Variants in HSH2D observed in about 807,000 individuals in gnomAD.
The protein encoded by HSH2D is hematopoietic SH2 domain-containing protein.
Under a neutral mutation model 21.5 loss-of-function variants are expected in HSH2D, and 16 were observed. The ratio of observed to expected loss-of-function variants is 0.74; its 90% CI spans 0.50 to 1.13. The LOEUF is 1.13. Ranked by LOEUF, HSH2D falls within the 50% of genes most tolerant of loss-of-function variation. The pLI is 0.00. For missense variants in HSH2D, 418 were observed against 441.4 expected, an observed-to-expected ratio of 0.95 and a Z score of 0.47; for synonymous variants, 172 against 184.7, an observed-to-expected ratio of 0.93 and a Z score of 0.56.
At chr19:16,147,420 G>T (rs2091086496) in intron 1 of HSH2D, among the ~76,000 whole-genome samples, 1 of 150,352 alleles carries the variant, frequency 6.7e-6, no homozygotes. Context: ...GAAGGTCGAG[G>T]CTGCAGTGAG....
upstream of HSH2D, among the ~76,000 whole-genome samples, chr19:16,141,290 G>C (rs1202929529): frequency 2.0e-5 from 3 of 152,242 alleles, no homozygotes; most frequent in East Asian, 5.8e-4. Context: ...GGAGCAGGGG[G>C]GTGAGAGAGG....
upstream of HSH2D, among the ~76,000 whole-genome samples, chr19:16,140,685 C>T (rs1320898328): frequency 6.6e-6 from 1 of 151,788 alleles, no homozygotes; most frequent in Non-Finnish European, 1.5e-5. Context: ...ATCACTTGAA[C>T]GAGACCAACC....
rs761208177 is a variant in HSH2D, at chr19:16,157,502, G to A, written c.767G>A (p.Gly256Glu). 11 of 1,613,900 alleles carry A rather than the reference G, an allele frequency of 6.8e-6. No homozygotes were observed. In the East Asian group the frequency reaches 2.2e-4, roughly 33 times the overall value. ...GTGKGSQDHS[G>E]DPTSGDRGYT... ...GGAAAAGGCAGCCAAGATCACTCAG[G>A]GGATCCCACCTCGGGGGACAGAGGC... The change falls in exon 6 of 6, where the codon GGG becomes GAG. Residue 256 changes from glycine to glutamate, a missense_variant. Coordinates refer to ENST00000613986, the MANE Select transcript of HSH2D (RefSeq NM_001382417.1). This position sits in a 1 kb window ranked among gnomAD's most constrained non-coding sequence, Gnocchi z 4.4.
chr19:16,150,220 G>C (rs982133917), intron 2 of HSH2D, among the ~76,000 whole-genome samples: 14 of 151,678 alleles, frequency 9.2e-5, no homozygotes, highest in South Asian at 4.2e-4. Flanking sequence ...GGCTGGCCTG[G>C]ACAACATAGT....
upstream of HSH2D, among the ~76,000 whole-genome samples, chr19:16,143,257 G>A (rs577883749): frequency 1.3e-3 from 197 of 151,728 alleles, no homozygotes; most frequent in African/African-American, 4.4e-3. Flanking sequence ...GCTGATTTTC[G>A]TATTTTAATA....
chr19:16,140,104 G>A (rs10406557), upstream of HSH2D, among the ~76,000 whole-genome samples: 20,090 of 151,980 alleles, frequency 0.13, 1,529 homozygotes, highest in African/African-American at 0.2. Flanking sequence ...GCAAATAAGA[G>A]CCCCGATGGT....
At chr19:16,156,261 G>C (rs2091235484) in intron 5 of HSH2D, among the ~76,000 whole-genome samples, 1 of 151,924 alleles carries the variant, frequency 6.6e-6, no homozygotes. Context: ...GAGGTGGGAG[G>C]ATTGCTTGAG....
chr19:16,156,426 C>T (rs1452843743), intron 5 of HSH2D, among the ~76,000 whole-genome samples: 1 of 152,076 alleles, frequency 6.6e-6, no homozygotes, highest in Non-Finnish European at 1.5e-5. Context: ...TCAAAAAATC[C>T]TCCTGCCTCA....
At chr19:16,144,071 G>A (rs1335568402) in intron 1 of HSH2D, among the ~76,000 whole-genome samples, 4 of 152,042 alleles carry the variant, frequency 2.6e-5, no homozygotes, top group Non-Finnish European at 4.4e-5. Flanking sequence ...AGTAGAGGAG[G>A]CTCCCAGGCC....
At chr19:16,140,016 GT>G (rs1455311786), upstream of HSH2D, 1 of 152,258 alleles carries the variant, frequency 6.6e-6, no homozygotes, top group Non-Finnish European at 1.5e-5. Flanking sequence ...AGGTTGGGCC[GT>G]TTGTGGTGAG....
chr19:16,135,040 G>A (rs1195415709), intron 1 of HSH2D, among the ~76,000 whole-genome samples: 2 of 149,584 alleles, frequency 1.3e-5, no homozygotes, highest in Admixed American at 1.4e-4. Context: ...AGGCCGAGGT[G>A]GGTGGTTCAC....
intron 1 of HSH2D, 87 bp downstream of exon 1, chr19:16,143,861 TG>T: frequency 3.5e-6 from 1 of 283,824 alleles, no homozygotes; most frequent in South Asian, 2.3e-5. Flanking sequence ...TAGTGGGGCC[TG>T]GGGTGGCAGG....
At chr19:16,153,935 G>A (rs1198281867) in intron 4 of HSH2D, among the ~76,000 whole-genome samples, 2 of 151,528 alleles carry the variant, frequency 1.3e-5, no homozygotes, top group South Asian at 4.2e-4. Context: ...AACTGCTGTG[G>A]GCAGGGCATC....
At chr19:16,143,865 G>C (rs553675219) in intron 1 of HSH2D, 91 bp downstream of exon 1, 34 of 290,998 alleles carry the variant, frequency 1.2e-4, no homozygotes, top group African/African-American at 7.7e-4. Flanking sequence ...GGGGCCTGGG[G>C]TGGCAGGAGG....
Position 16,152,570 on chromosome 19 carries a change from G to A in HSH2D, c.144G>A (p.Leu48=). Residue 48 remains leucine (L), a synonymous_variant, in exon 3 of 6, where the codon CTG becomes CTA. Coordinates refer to ENST00000613986, the MANE Select transcript of HSH2D (RefSeq NM_001382417.1). ...CTTCCAGGGATGCTGAGAACTTGCTGGAGTCACAGCCACTGGGATCCTTTC... is the reference window on the plus strand; with the variant it reads ...CTTCCAGGGATGCTGAGAACTTGCTAGAGTCACAGCCACTGGGATCCTTTC... ...AISREDAENL[L]ESQPLGSFLI... is the part of the protein sequence containing the mutation. 1 of 1,503,456 alleles carries A rather than the reference G, an allele frequency of 6.7e-7. No homozygotes were observed. Among genetic ancestry groups the A allele is most frequent in the African/African-American group, 1.4e-5 (1 of 71,572 alleles). 93.1% of individuals were successfully genotyped at this position (1,503,456 alleles called of 1,614,324 possible).
chr19:16,141,551 A>G (rs536665972), upstream of HSH2D, among the ~76,000 whole-genome samples: 1 of 152,238 alleles, frequency 6.6e-6, no homozygotes, highest in Non-Finnish European at 1.5e-5. Flanking sequence ...AGAAGAAAAA[A>G]AACTGAACAT....
At chr19:16,134,030 C>G (rs891605695) in exon 1 of HSH2D, 8 of 152,366 alleles carry the variant, frequency 5.3e-5, no homozygotes, top group Non-Finnish European at 1.0e-4. Flanking sequence ...TATCCAGGGT[C>G]CTTCCCAAGA....
upstream of HSH2D, among the ~76,000 whole-genome samples, chr19:16,143,256 C>A (rs922357720): frequency 6.6e-6 from 1 of 151,844 alleles, no homozygotes; most frequent in South Asian, 2.1e-4. Flanking sequence ...GGCTGATTTT[C>A]GTATTTTAAT....
intron 5 of HSH2D, among the ~76,000 whole-genome samples, chr19:16,155,281 G>T (rs2091222884): frequency 6.6e-6 from 1 of 152,022 alleles, no homozygotes; most frequent in Middle Eastern, 3.4e-3. Flanking sequence ...GGGTGCAAGT[G>T]GGGGAAGGCA....
Sources: allele counts gnomAD v4.1 joint callset (sites outside exome capture counted in the v4.1 genomes callset), GRCh38; gene constraint gnomAD v4.1.1; non-coding constraint Gnocchi (gnomAD v3.1); transcripts MANE v1.5; gene names NCBI Gene and HGNC (gene_info 2026-07-23, HGNC 2026-07-21).